The following NFATC2 variants were observed in gnomAD, a reference collection of about 807,000 sequenced individuals.
NFATC2 encodes the protein nuclear factor of activated T-cells, cytoplasmic 2.
In NFATC2, 22 loss-of-function variants were observed where a neutral mutation model predicts 87.3. The observed-to-expected ratio is 0.25, with a 90% CI of 0.18 to 0.36. The LOEUF (loss-of-function observed/expected upper bound fraction) is 0.36. NFATC2 is among the 10% of genes least tolerant of loss of function. NFATC2 has a pLI of 1.00. For synonymous variants in NFATC2, 565 were observed against 542.2 expected, an observed-to-expected ratio of 1.04 and a Z score of -0.58; for missense variants, 1,149 against 1,259.1, an observed-to-expected ratio of 0.91 and a Z score of 1.32.
At position 51,562,601 on chromosome 20, in the gene NFATC2, C is replaced by A. The variant is rs1229808856; in HGVS notation, c.29G>T (p.Gly10Val). ...CATGATGCGGAGGGGATGGCAGTGCCCCAGTCTGAACGCAGCCTCTCTCTG... is the reference window on the plus strand; with the variant it reads ...CATGATGCGGAGGGGATGGCAGTGCACCAGTCTGAACGCAGCCTCTCTCTG... The change falls in exon 1 of 11, where the codon GGG (glycine) becomes GTG (valine). Residue 10 changes from glycine to valine, a missense_variant. Transcript: ENST00000414705. The surrounding 1 kb of genome is among the most constrained non-coding windows in gnomAD (Gnocchi z 5.8). The A allele has an allele frequency of 1.0e-5, 16 of 1,551,176 alleles. No homozygotes were observed. The African/African-American group carries it at 1.9e-4, about 19-fold the overall frequency.
Position 51,523,523 on chromosome 20 carries a change from G to A in NFATC2, c.718C>T (p.Arg240Cys), listed in dbSNP as rs898480528. 1.4e-5 allele frequency: 22 copies of A among 1,613,248 alleles called. No homozygotes were observed. The highest frequency in any genetic ancestry group is 1.8e-5 in the Non-Finnish European group (21 of 1,179,664). The part of the protein sequence containing the change: ...SCLGRHSPVP[R>C]PASRSSSPGA... Reference sequence around the variant, plus strand: ...GGCGATGAGGAGCGGGAGGCCGGACGGGGCACGGGCGAGTGGCGGCCCAGG... The same window carrying A: ...GGCGATGAGGAGCGGGAGGCCGGACAGGGCACGGGCGAGTGGCGGCCCAGG... Residue 240 changes from arginine to cysteine, a missense_variant, in exon 2 of 11, where the codon CGT (arginine) becomes TGT (cysteine). This residue lies in a region of NFATC2 where 563 missense variants were observed against 585.2 expected (regional missense o/e 0.96). Transcript: ENST00000371564. This position sits in a 1 kb window ranked among gnomAD's most constrained non-coding sequence, Gnocchi z 6.9.
intron 3 of NFATC2, among the ~76,000 whole-genome samples, chr20:51,496,083 A>G (rs980011955): frequency 3.3e-5 from 5 of 152,110 alleles, no homozygotes; most frequent in African/African-American, 1.2e-4. Context: ...TGCCCAGAGG[A>G]GCCAGGTGAG....
chr20:51,486,991 A>T (rs1989763069), intron 3 of NFATC2, among the ~76,000 whole-genome samples: 1 of 152,230 alleles, frequency 6.6e-6, no homozygotes, highest in Non-Finnish European at 1.5e-5. Context: ...CTGGCAGCTC[A>T]TGGAGATGGC....
Position 51,523,196 on chromosome 20 carries a change from C to T in NFATC2, c.1045G>A (p.Val349Met), listed in dbSNP as rs1317087060. The T allele has an allele frequency of 6.2e-7, 1 of 1,614,116 alleles. No individual in the cohort carries two copies. The highest frequency in any genetic ancestry group is 1.7e-5 in the Admixed American group (1 of 60,028). ...AGLPRHIYPA[V>M]EFLGPCEQGE... is the part of the protein sequence containing the mutation. The stretch of plus-strand genomic sequence containing the variant: ...TGCTCGCAGGGCCCCAGGAACTCCA[C>T]GGCCGGGTAGATGTGGCGAGGCAGG... Residue 349 changes from valine (V) to methionine (M), a missense_variant, in exon 2 of 11, where the codon GTG (valine) becomes ATG (methionine). Transcript: ENST00000371564. This position sits in a 1 kb window ranked among gnomAD's most constrained non-coding sequence, Gnocchi z 6.9.
chr20:51,387,830 C>T lies in NFATC2; in HGVS notation c.*3666G>A, dbSNP rs4811170. The T allele has an allele frequency of 1.4e-5, 2 of 146,986 alleles. No individual in the cohort carries two copies. The highest frequency in any genetic ancestry group is 3.0e-5 in the Non-Finnish European group (2 of 66,852). 9.1% of individuals were successfully genotyped at this position (146,986 alleles called of 1,614,324 possible). A position where few individuals can be genotyped will look rare whatever the true frequency, so the allele number is the denominator to read the frequency against. On this transcript the variant is annotated 3_prime_UTR_variant, in exon 11 of 11. Transcript: ENST00000371564. ...TTGAAATGAAAACATTCTTTCAATT[C>T]TGAGCAATAGAAAGCACTTGGAAAG...
Position 51,523,188 on chromosome 20 carries a change from G to A in NFATC2, c.1053C>T (p.Phe351=). Residue 351 remains phenylalanine, a synonymous_variant, in exon 2 of 11, where the codon TTC becomes TTT. Coordinates refer to ENST00000371564, the MANE Select transcript of NFATC2 (RefSeq NM_012340.5). The surrounding 1 kb of genome is among the most constrained non-coding windows in gnomAD (Gnocchi z 6.9). ...TCTCGCCCTGCTCGCAGGGCCCCAG[G>A]AACTCCACGGCCGGGTAGATGTGGC... ...LPRHIYPAVE[F]LGPCEQGERR... is the part of the protein sequence containing the mutation. 3.1e-6 allele frequency: 5 copies of A among 1,614,196 alleles called. No homozygotes were observed. Among genetic ancestry groups the A allele is most frequent in the Non-Finnish European group, 4.2e-6 (5 of 1,180,034 alleles).
intron 9 of NFATC2, among the ~76,000 whole-genome samples, chr20:51,400,702 C>CCAAA (rs1303490164): frequency 2.0e-5 from 3 of 152,194 alleles, no homozygotes; most frequent in African/African-American, 7.2e-5. Flanking sequence ...CAGGCCACCG[C>CCAAA]CAAACACCCT....
At chr20:51,512,213 A>T (rs927282808) in intron 3 of NFATC2, among the ~76,000 whole-genome samples, 1 of 152,120 alleles carries the variant, frequency 6.6e-6, no homozygotes, top group African/African-American at 2.4e-5. Context: ...TCCAAGTACC[A>T]TCTCTTGTCA....
At chr20:51,483,464 G>A (rs1233024455) in intron 3 of NFATC2, among the ~76,000 whole-genome samples, 1 of 152,056 alleles carries the variant, frequency 6.6e-6, no homozygotes, top group Non-Finnish European at 1.5e-5. Flanking sequence ...GGGTACCGGG[G>A]AAGAGGACTG....
At chr20:51,441,660 T>C (rs1322901742) in intron 6 of NFATC2, among the ~76,000 whole-genome samples, 2 of 134,902 alleles carry the variant, frequency 1.5e-5, no homozygotes, top group African/African-American at 5.7e-5. Flanking sequence ...GAGGTTGCAG[T>C]GAGCCGAGAT....
chr20:51,543,401 G>T (rs571474998), upstream of NFATC2, among the ~76,000 whole-genome samples: 2 of 152,224 alleles, frequency 1.3e-5, no homozygotes, highest in Admixed American at 1.3e-4. Flanking sequence ...ACTCACCAGG[G>T]TATGGGATAA....
At chr20:51,405,598 C>T (rs752021697) in intron 9 of NFATC2, among the ~76,000 whole-genome samples, 9 of 152,114 alleles carry the variant, frequency 5.9e-5, no homozygotes, top group Admixed American at 1.3e-4. Context: ...CACAGAACCC[C>T]GTATCTTGAA....
At chr20:51,488,296 T>A (rs1037511874) in intron 3 of NFATC2, among the ~76,000 whole-genome samples, 3 of 152,202 alleles carry the variant, frequency 2.0e-5, no homozygotes, top group African/African-American at 7.2e-5. Context: ...ATTATCATAA[T>A]CCCAGAATTT....
intron 3 of NFATC2, among the ~76,000 whole-genome samples, chr20:51,482,935 G>A (rs1166652421): frequency 2.0e-5 from 3 of 152,132 alleles, no homozygotes; most frequent in Admixed American, 6.5e-5. Flanking sequence ...CCCAGGGTTC[G>A]GACTAGCCCA....
chr20:51,557,120 G>A (rs955030069), intron 1 of NFATC2, among the ~76,000 whole-genome samples: 1 of 152,122 alleles, frequency 6.6e-6, no homozygotes, highest in Non-Finnish European at 1.5e-5. Context: ...CCCATAAAAT[G>A]CCTTGACCAC....
intron 5 of NFATC2, among the ~76,000 whole-genome samples, chr20:51,467,295 G>A (rs1406983035): frequency 6.6e-6 from 1 of 152,228 alleles, no homozygotes; most frequent in South Asian, 2.1e-4. Flanking sequence ...GGTGGCTCAC[G>A]CCCGTAATCC....
chr20:51,416,156 G>C (rs1461653711), intron 9 of NFATC2, among the ~76,000 whole-genome samples: 1 of 152,056 alleles, frequency 6.6e-6, no homozygotes, highest in African/African-American at 2.4e-5. Flanking sequence ...CAGCTACTCT[G>C]GAGACTGAGG....
intron 9 of NFATC2, chr20:51,398,939 TG>T: frequency 3.6e-6 from 2 of 551,598 alleles, no homozygotes; most frequent in Non-Finnish European, 6.5e-6. Flanking sequence ...TGAGGGACTC[TG>T]TGCAAAGTGC....
chr20:51,537,809 C>G (rs1038159375), intron 1 of NFATC2, among the ~76,000 whole-genome samples: 1 of 152,248 alleles, frequency 6.6e-6, no homozygotes, highest in South Asian at 2.1e-4. Context: ...CTTTCTGTCA[C>G]TGTGTACTTG....
Sources: gnomAD v4.1 joint callset for allele counts (sites outside exome capture counted in the v4.1 genomes callset) on GRCh38, gnomAD v4.1.1 for gene constraint, gnomAD v4.1.1 regional missense constraint, Gnocchi (gnomAD v3.1) non-coding constraint, MANE v1.5 for transcripts, NCBI Gene and HGNC (gene_info 2026-07-23, HGNC 2026-07-21) for gene names.